The following NLGN1 variants were observed in gnomAD, a reference collection of about 807,000 sequenced individuals.
The protein encoded by NLGN1 is neuroligin 1, also known as neuroligin-1.
In NLGN1, 12 loss-of-function variants were observed where a neutral mutation model predicts 65.5. The observed-to-expected ratio is 0.18, with a 90% CI of 0.12 to 0.30. The LOEUF is 0.30. Ranked by LOEUF, NLGN1 falls within the 10% of genes least tolerant of loss-of-function variation. The probability of loss-of-function intolerance (pLI) is 1.00; values close to 1 mark genes in which losing one functional copy is unlikely to be tolerated. For synonymous variants in NLGN1, 350 were observed against 359.5 expected (o/e 0.97, Z 0.30); for missense variants, 750 against 1,007.1 (o/e 0.74, Z 3.46).
chr3:173,910,193 A>G (rs1180666378), intron 4 of NLGN1, among the ~76,000 whole-genome samples: 2 of 152,142 alleles, frequency 1.3e-5, no homozygotes, highest in Non-Finnish European at 2.9e-5. Context: ...TGTGCACACA[A>G]ATCACCTGGG....
chr3:173,701,374 A>G (rs996376723), intron 3 of NLGN1, among the ~76,000 whole-genome samples: 1 of 152,186 alleles, frequency 6.6e-6, no homozygotes, highest in Admixed American at 6.5e-5. Context: ...GTTCAGAATC[A>G]GAGAAGGAAA....
chr3:173,748,897 C>A (rs145529498), intron 3 of NLGN1, among the ~76,000 whole-genome samples: 14 of 151,980 alleles, frequency 9.2e-5, no homozygotes, highest in Non-Finnish European at 2.1e-4. Flanking sequence ...GGTGGCTACA[C>A]CTTGATACTA....
intron 2 of NLGN1, among the ~76,000 whole-genome samples, chr3:173,518,089 G>A (rs115751628): frequency 0.024 from 3,622 of 152,260 alleles, 55 homozygotes; most frequent in Middle Eastern, 0.048. Context: ...ATCAGAAACT[G>A]TACTACTGGT....
intron 2 of NLGN1, among the ~76,000 whole-genome samples, chr3:173,436,225 A>G (rs1233323702): frequency 3.3e-5 from 5 of 152,218 alleles, no homozygotes; most frequent in Non-Finnish European, 5.9e-5. Flanking sequence ...AAGCAAAACA[A>G]TTTTTCATTG....
intron 3 of NLGN1, among the ~76,000 whole-genome samples, chr3:173,620,522 G>A (rs68085912): frequency 0.12 from 18,518 of 151,966 alleles, 1,381 homozygotes; most frequent in South Asian, 0.21. Flanking sequence ...TAAGTTGGAG[G>A]AAAGAGAAAG....
At chr3:173,936,907 A>G (rs1341451045) in intron 4 of NLGN1, among the ~76,000 whole-genome samples, 3 of 152,062 alleles carry the variant, frequency 2.0e-5, no homozygotes, top group Non-Finnish European at 1.5e-5. Context: ...TATTTTCACT[A>G]TTTAGAAATA....
chr3:173,778,175 T>C (rs1198249994), intron 3 of NLGN1, among the ~76,000 whole-genome samples: 2 of 151,846 alleles, frequency 1.3e-5, no homozygotes, highest in East Asian at 3.9e-4. Flanking sequence ...AAAAAACCTG[T>C]TTTTCATTGT....
chr3:173,529,695 C>T (rs1736226375), intron 2 of NLGN1, among the ~76,000 whole-genome samples: 3 of 152,250 alleles, frequency 2.0e-5, no homozygotes, highest in South Asian at 4.1e-4. Flanking sequence ...TCAGTAGGAA[C>T]GGTTTTGGGG....
chr3:173,702,597 G>A (rs972874920), intron 3 of NLGN1, among the ~76,000 whole-genome samples: 8 of 152,156 alleles, frequency 5.3e-5, no homozygotes, highest in African/African-American at 1.9e-4. Flanking sequence ...AACATCATAT[G>A]ATTTTGAGCT....
intron 4 of NLGN1, among the ~76,000 whole-genome samples, chr3:174,090,137 A>G (rs1250434920): frequency 6.6e-6 from 1 of 152,126 alleles, no homozygotes; most frequent in African/African-American, 2.4e-5. Flanking sequence ...CCTAATGTAA[A>G]TTATTTTGTG....
intron 4 of NLGN1, among the ~76,000 whole-genome samples, chr3:174,194,325 C>T (rs925705853): frequency 6.6e-6 from 1 of 151,878 alleles, no homozygotes; most frequent in Non-Finnish European, 1.5e-5. Flanking sequence ...GGTGGTGCAC[C>T]TGTAGTTCCA....
At chr3:173,903,942 GA>G (rs1340005411) in intron 4 of NLGN1, among the ~76,000 whole-genome samples, 1 of 152,012 alleles carries the variant, frequency 6.6e-6, no homozygotes, top group Non-Finnish European at 1.5e-5. Context: ...CACAGACTCA[GA>G]AGGCTCTTCT....
intron 4 of NLGN1, among the ~76,000 whole-genome samples, chr3:174,001,625 C>T (rs1723304126): frequency 6.6e-6 from 1 of 152,138 alleles, no homozygotes; most frequent in African/African-American, 2.4e-5. Flanking sequence ...CATCTCTGAC[C>T]TTGTTTCCTC....
At chr3:174,236,187 T>C (rs931351225) in intron 4 of NLGN1, among the ~76,000 whole-genome samples, 5 of 152,118 alleles carry the variant, frequency 3.3e-5, no homozygotes, top group African/African-American at 1.2e-4. Context: ...ATGCCTCAGG[T>C]GCTTGAAAAG....
At chr3:173,887,912 T>C (rs1020017571) in intron 4 of NLGN1, among the ~76,000 whole-genome samples, 6 of 151,988 alleles carry the variant, frequency 3.9e-5, no homozygotes. Flanking sequence ...TCACTTAATA[T>C]GGATCCTTTT....
chr3:173,831,042 A>G (rs1458459335), intron 4 of NLGN1, among the ~76,000 whole-genome samples: 4 of 152,172 alleles, frequency 2.6e-5, no homozygotes. Flanking sequence ...TCAACCCAAT[A>G]TCCCCCTTTA....
intron 4 of NLGN1, among the ~76,000 whole-genome samples, chr3:173,988,493 A>G (rs1007030646): frequency 1.3e-5 from 2 of 152,114 alleles, no homozygotes; most frequent in Admixed American, 6.6e-5. Context: ...AGTCCATTTC[A>G]GGATGCATGA....
intron 2 of NLGN1, among the ~76,000 whole-genome samples, chr3:173,438,525 G>C (rs1320989795): frequency 6.6e-6 from 1 of 152,100 alleles, no homozygotes; most frequent in East Asian, 1.9e-4. Context: ...ATGCAATATA[G>C]TGCTCTTATT....
chr3:174,077,542 C>T (rs1457697677), intron 4 of NLGN1, among the ~76,000 whole-genome samples: 1 of 151,258 alleles, frequency 6.6e-6, no homozygotes, highest in Non-Finnish European at 1.5e-5. Flanking sequence ...TTCTTTCTTT[C>T]TTTCTTTTCT....
Sources: allele counts gnomAD v4.1 joint callset (sites outside exome capture counted in the v4.1 genomes callset), GRCh38; gene constraint gnomAD v4.1.1; transcripts MANE v1.5; gene names NCBI Gene and HGNC (gene_info 2026-07-23, HGNC 2026-07-21).